The following NEGR1 variants were observed in gnomAD, a reference collection of about 807,000 sequenced individuals.
NEGR1 encodes the protein IgLON family member 4.
NEGR1 carries 10 observed loss-of-function variants against 40.9 expected under a neutral mutation model. The observed-to-expected ratio is 0.24, with a 90% CI of 0.15 to 0.42. The LOEUF (loss-of-function observed/expected upper bound fraction) is 0.42, where lower values mean the gene tolerates loss of function less well. Among genes scored for constraint, NEGR1 ranks in the 10% least tolerant of loss-of-function variants. NEGR1 has a pLI of 1.00. For missense variants in NEGR1, 352 were observed against 438.9 expected (o/e 0.80, Z 1.77); for synonymous variants, 185 against 166.8 (o/e 1.11, Z -0.84).
At chr1:71,597,973 A>G (rs1306737978) in intron 5 of NEGR1, among the ~76,000 whole-genome samples, 1 of 152,158 alleles carries the variant, frequency 6.6e-6, no homozygotes, top group African/African-American at 2.4e-5. Flanking sequence ...AGTGTGAAAA[A>G]TCGACACACA....
intron 5 of NEGR1, among the ~76,000 whole-genome samples, chr1:71,593,572 A>T (rs1649577295): frequency 6.6e-6 from 1 of 152,176 alleles, no homozygotes; most frequent in Admixed American, 6.6e-5. Flanking sequence ...TCACTGTCAC[A>T]TTTTAGGAAT....
At chr1:72,164,216 A>G (rs1651691287) in intron 1 of NEGR1, among the ~76,000 whole-genome samples, 2 of 152,130 alleles carry the variant, frequency 1.3e-5, no homozygotes, top group East Asian at 1.9e-4. Flanking sequence ...ACCTTTAACG[A>G]CCGTTGAAAA....
intron 1 of NEGR1, among the ~76,000 whole-genome samples, chr1:72,148,094 C>T (rs190610858): frequency 6.6e-6 from 1 of 151,962 alleles, no homozygotes; most frequent in East Asian, 1.9e-4. Context: ...CTAGGCTGTA[C>T]CACAGTAGAG....
At chr1:72,134,456 G>A (rs976895975) in intron 1 of NEGR1, among the ~76,000 whole-genome samples, 1 of 151,652 alleles carries the variant, frequency 6.6e-6, no homozygotes, top group Admixed American at 6.6e-5. Flanking sequence ...CACCCGCCTC[G>A]GCCTCCCAAA....
rs143529201 is a variant in NEGR1 at position 71,692,699 on chromosome 1, G to A, written c.667+5309C>T. 8.1e-4 allele frequency among the ~76,000 whole-genome samples: 123 copies of A among 151,802 alleles called. 1 individual carries two copies. The highest frequency in any genetic ancestry group is 1.3e-3 in the Non-Finnish European group (89 of 67,748). ...ATAATTGTACTAAGTTATACTAATTGGAACATTCAATTCCACATGTTTGGA... is the reference window on the plus strand; with the variant it reads ...ATAATTGTACTAAGTTATACTAATTAGAACATTCAATTCCACATGTTTGGA... On this transcript the variant is annotated intron_variant, in intron 4 of 6. Coordinates refer to ENST00000357731, the MANE Select transcript of NEGR1 (RefSeq NM_173808.3).
At chr1:71,536,073 T>TAG (rs1421673507) in intron 6 of NEGR1, among the ~76,000 whole-genome samples, 2 of 151,676 alleles carry the variant, frequency 1.3e-5, no homozygotes, top group South Asian at 4.1e-4. Context: ...AGCAGACTGT[T>TAG]AGACTTAAGG....
intron 3 of NEGR1, among the ~76,000 whole-genome samples, chr1:71,725,533 G>A (rs966682221): frequency 1.5e-4 from 23 of 151,992 alleles, no homozygotes; most frequent in Non-Finnish European, 4.4e-5. Context: ...AGTAAGAAGC[G>A]TATGCTGAAC....
chr1:72,126,444 T>C (rs547517565), intron 1 of NEGR1, among the ~76,000 whole-genome samples: 1 of 152,118 alleles, frequency 6.6e-6, no homozygotes, highest in Non-Finnish European at 1.5e-5. Context: ...CTAACTACAT[T>C]TGGTTTCAAT....
At chr1:71,669,659 C>T (rs960747108) in intron 4 of NEGR1, among the ~76,000 whole-genome samples, 7 of 149,874 alleles carry the variant, frequency 4.7e-5, no homozygotes, top group Non-Finnish European at 8.9e-5. Flanking sequence ...TGCTACGTAA[C>T]TTTTTTTTTT....
At chr1:71,414,152 C>T (rs1646340598) in intron 6 of NEGR1, among the ~76,000 whole-genome samples, 1 of 152,084 alleles carries the variant, frequency 6.6e-6, no homozygotes, top group Non-Finnish European at 1.5e-5. Context: ...ACCCAAATAA[C>T]GTTTCAAGCA....
rs551786547 is a variant in NEGR1 at position 71,554,562 on chromosome 1, C to A, written c.940+38255G>T. ...ACCAGAAAGTCTTATATTGGGATTT[C>A]TCACCCTCCTGCACCCTGTTTTTGC... On this transcript the variant is annotated intron_variant, in intron 6 of 6. Coordinates refer to ENST00000357731, the MANE Select transcript of NEGR1 (RefSeq NM_173808.3). Among the ~76,000 whole-genome samples the A allele has an allele frequency of 5.9e-5, 9 of 151,450 alleles. No individual in the cohort carries two copies. In the South Asian group the frequency reaches 1.7e-3, roughly 28 times the overall value.
intron 2 of NEGR1, among the ~76,000 whole-genome samples, chr1:71,928,721 G>T (rs1290169795): frequency 2.0e-5 from 3 of 151,826 alleles, no homozygotes; most frequent in African/African-American, 4.8e-5. Flanking sequence ...AATAGAAATA[G>T]AAAAATGCAA....
chr1:72,116,973 T>C (rs1649605197), intron 1 of NEGR1, among the ~76,000 whole-genome samples: 1 of 151,760 alleles, frequency 6.6e-6, no homozygotes, highest in Non-Finnish European at 1.5e-5. Flanking sequence ...TGAGAATGTG[T>C]CTTATCTGAG....
intron 6 of NEGR1, among the ~76,000 whole-genome samples, chr1:71,536,839 T>C (rs1407971368): frequency 6.6e-6 from 1 of 151,736 alleles, no homozygotes; most frequent in Non-Finnish European, 1.5e-5. Flanking sequence ...CTTTCTCCCT[T>C]TATATCTCTA....
At chr1:71,422,728 G>GT in intron 6 of NEGR1, 1 of 152,302 alleles carries the variant, frequency 6.6e-6, no homozygotes, top group Middle Eastern at 3.4e-3. Context: ...AAAGGGAGTG[G>GT]TTGAGAAGAG....
At chr1:72,275,022 A>T in intron 1 of NEGR1, 1 of 1,530,326 alleles carries the variant, frequency 6.5e-7, no homozygotes, top group South Asian at 1.1e-5. Context: ...CTGAGAAGGA[A>T]ATCAGACCAG....
At chr1:71,968,202 A>G (rs1230810827) in intron 1 of NEGR1, among the ~76,000 whole-genome samples, 1 of 152,206 alleles carries the variant, frequency 6.6e-6, no homozygotes, top group Non-Finnish European at 1.5e-5. Flanking sequence ...ATTGCACTGG[A>G]AAGAGGAGAC....
chr1:72,259,055 A>T (rs1290967464), intron 1 of NEGR1, among the ~76,000 whole-genome samples: 2 of 152,160 alleles, frequency 1.3e-5, no homozygotes, highest in Non-Finnish European at 2.9e-5. Flanking sequence ...TACACATTTT[A>T]AAATTATTTT....
intron 1 of NEGR1, among the ~76,000 whole-genome samples, chr1:71,964,103 A>G (rs1306506840): frequency 6.6e-6 from 1 of 152,170 alleles, no homozygotes; most frequent in Non-Finnish European, 1.5e-5. Context: ...CAATCATACT[A>G]TCATTATCAA....
Sources: allele counts gnomAD v4.1 joint callset (sites outside exome capture counted in the v4.1 genomes callset), GRCh38; gene constraint gnomAD v4.1.1; transcripts MANE v1.5; gene names NCBI Gene and HGNC (gene_info 2026-07-23, HGNC 2026-07-21).